Variants in KIRREL3 observed in about 807,000 individuals in gnomAD.
KIRREL3 encodes the protein kin of IRRE-like protein 3.
Under a neutral mutation model 89.7 loss-of-function variants are expected in KIRREL3, and 36 were observed. The ratio of observed to expected loss-of-function variants is 0.40; its 90% CI spans 0.31 to 0.53. The LOEUF is 0.53. KIRREL3 is among the 20% of genes least tolerant of loss of function. KIRREL3 has a pLI of 0.49. For synonymous variants in KIRREL3, 445 were observed against 441.4 expected, an observed-to-expected ratio of 1.01 and a Z score of -0.10; for missense variants, 864 against 1,056.6, an observed-to-expected ratio of 0.82 and a Z score of 2.53.
rs747091956 is a variant in KIRREL3 at position 126,955,816 on chromosome 11, G to T, written c.55+44639C>A. 6.6e-6 allele frequency among the ~76,000 whole-genome samples: 1 copy of T among 152,166 alleles called. No homozygotes were observed. Among genetic ancestry groups the T allele is most frequent in the Non-Finnish European group, 1.5e-5 (1 of 68,036 alleles). ...GCATTCAGGGCTGATGTTCTGAATG[G>T]CAGTGCTGGGTTCTTACTGCCCGTT... is the stretch of plus-strand genomic sequence containing the variant. On this transcript the variant is annotated intron_variant, in intron 1 of 16. Coordinates refer to ENST00000525144, the MANE Select transcript of KIRREL3 (RefSeq NM_032531.4). The surrounding 1 kb of genome is among the most constrained non-coding windows in gnomAD (Gnocchi z 4.6).
intron 1 of KIRREL3, among the ~76,000 whole-genome samples, chr11:126,930,028 A>G (rs899580554): frequency 6.7e-5 from 10 of 149,022 alleles, no homozygotes; most frequent in African/African-American, 2.2e-4. Context: ...TTCATTTCTT[A>G]TATTTTATGG....
Position 126,715,540 on chromosome 11 carries a change from G to A in KIRREL3, c.56-152628C>T, listed in dbSNP as rs537087004. ...AAATGAAGATGAAAAAGCTTTTACA[G>A]TGACAGGGAAGAAATATTGCAGGCT... On this transcript the variant is annotated intron_variant, in intron 1 of 16. Transcript: ENST00000525144. This position sits in a 1 kb window ranked among gnomAD's most constrained non-coding sequence, Gnocchi z 4.4. Among the ~76,000 whole-genome samples the A allele has an allele frequency of 6.6e-6, 1 of 152,300 alleles. No homozygotes were observed. Among genetic ancestry groups the A allele is most frequent in the South Asian group, 2.1e-4 (1 of 4,822 alleles).
chr11:126,460,203 C>T (rs1004717502), intron 6 of KIRREL3, among the ~76,000 whole-genome samples: 13 of 152,074 alleles, frequency 8.5e-5, no homozygotes, highest in African/African-American at 3.1e-4. Flanking sequence ...GCGGTGAGCG[C>T]GGGGACAAAT....
intron 2 of KIRREL3, among the ~76,000 whole-genome samples, chr11:126,548,342 A>G (rs1479692125): frequency 6.6e-6 from 1 of 152,072 alleles, no homozygotes; most frequent in Admixed American, 6.5e-5. Context: ...CCTTCTCTTG[A>G]GGGCTTTCTC....
intron 4 of KIRREL3, among the ~76,000 whole-genome samples, chr11:126,511,048 T>TGTGTGTGA (rs1958203483): frequency 1.8e-5 from 1 of 55,900 alleles, no homozygotes; most frequent in Admixed American, 2.0e-4. Flanking sequence ...TCTGCAGTGC[T>TGTGTGTGA]GTGTGTGTGT....
rs771945451 is a variant in KIRREL3, at chr11:126,724,823, T to G, written c.56-161911A>C. On this transcript the variant is annotated intron_variant, in intron 1 of 16. Coordinates refer to ENST00000525144, the MANE Select transcript of KIRREL3 (RefSeq NM_032531.4). The surrounding 1 kb of genome is among the most constrained non-coding windows in gnomAD (Gnocchi z 4.3). ...TGGGCCAAGGGTTCTTACTAATAGA[T>G]TTTGAATAACCATAAAAACAACTTT... Among the ~76,000 whole-genome samples the G allele has an allele frequency of 1.3e-5, 2 of 152,216 alleles. No homozygotes were observed. The highest frequency in any genetic ancestry group is 2.9e-5 in the Non-Finnish European group (2 of 68,042).
chr11:126,535,711 C>T lies in KIRREL3; in HGVS notation c.134-9024G>A, dbSNP rs1315258470. Among the ~76,000 whole-genome samples, 4 of 152,190 alleles carry T rather than the reference C, an allele frequency of 2.6e-5. No individual in the cohort carries two copies. In the East Asian group the frequency reaches 7.7e-4, roughly 29 times the overall value. On this transcript the variant is annotated intron_variant, in intron 2 of 16. Transcript: ENST00000525144. The surrounding 1 kb of genome is among the most constrained non-coding windows in gnomAD (Gnocchi z 4.5). ...TTAAGATTTTGGTTGAGGGCTGGGC[C>T]CGGTGGCTCACGCCTGTAATCCCAG...
chr11:126,804,770 C>T (rs550813187), intron 1 of KIRREL3, among the ~76,000 whole-genome samples: 9 of 152,028 alleles, frequency 5.9e-5, no homozygotes, highest in African/African-American at 2.2e-4. Context: ...AACCTTTTTT[C>T]CAAGCAGTGG....
Position 126,454,253 on chromosome 11 carries a change from G to A in KIRREL3, c.848+2096C>T, listed in dbSNP as rs1956270606. 6.6e-6 allele frequency among the ~76,000 whole-genome samples: 1 copy of A among 151,982 alleles called. No individual in the cohort carries two copies. The highest frequency in any genetic ancestry group is 6.5e-5 in the Admixed American group (1 of 15,270). ...GCACTTCGTTTCCTGGGTGTTTGCT[G>A]TCCGGGTCAGTAGGCAGGTGTGGGT... On this transcript the variant is annotated intron_variant, in intron 7 of 16. Coordinates refer to ENST00000525144, the MANE Select transcript of KIRREL3 (RefSeq NM_032531.4). This position sits in a 1 kb window ranked among gnomAD's most constrained non-coding sequence, Gnocchi z 5.8.
chr11:126,871,250 C>G (rs1945098773), intron 1 of KIRREL3, among the ~76,000 whole-genome samples: 1 of 152,148 alleles, frequency 6.6e-6, no homozygotes, highest in Non-Finnish European at 1.5e-5. Context: ...CCCCTCACCG[C>G]TCATAAAGAA....
intron 1 of KIRREL3, among the ~76,000 whole-genome samples, chr11:126,714,675 G>T (rs1023622265): frequency 3.3e-5 from 5 of 152,148 alleles, no homozygotes; most frequent in African/African-American, 9.7e-5. Context: ...ACTGCCAGTT[G>T]CACACAGTGG....
rs1042133509 is a variant in KIRREL3, at chr11:126,795,057, G to T, written c.55+205398C>A. On this transcript the variant is annotated intron_variant, in intron 1 of 16. Coordinates refer to ENST00000525144, the MANE Select transcript of KIRREL3 (RefSeq NM_032531.4). This position sits in a 1 kb window ranked among gnomAD's most constrained non-coding sequence, Gnocchi z 4.1. ...GGAAAGGCAGACAAAAGAAAGTTCAGTGTTTGCCAGGGGTTGGGCAGGAGG... is the reference window on the plus strand; with the variant it reads ...GGAAAGGCAGACAAAAGAAAGTTCATTGTTTGCCAGGGGTTGGGCAGGAGG... Among the ~76,000 whole-genome samples, 16 of 152,344 alleles carry T rather than the reference G, an allele frequency of 1.1e-4. No individual in the cohort carries two copies. Among genetic ancestry groups the T allele is most frequent in the African/African-American group, 3.4e-4 (14 of 41,582 alleles).
At position 126,666,871 on chromosome 11, in the gene KIRREL3, G is replaced by T. The variant is rs1462470601; in HGVS notation, c.56-103959C>A. 1.3e-5 allele frequency among the ~76,000 whole-genome samples: 2 copies of T among 152,180 alleles called. No homozygotes were observed. Among genetic ancestry groups the T allele is most frequent in the Non-Finnish European group, 2.9e-5 (2 of 68,036 alleles). On this transcript the variant is annotated intron_variant, in intron 1 of 16. Transcript: ENST00000525144. This position sits in a 1 kb window ranked among gnomAD's most constrained non-coding sequence, Gnocchi z 4.2. The stretch of plus-strand genomic sequence containing the variant: ...CATTTTGGGTCTGGGATGGATACAG[G>T]TTTGATGAAAGGTCCCTGGGGAATG...
chr11:126,832,411 CT>C (rs1255198598), intron 1 of KIRREL3, among the ~76,000 whole-genome samples: 4 of 152,138 alleles, frequency 2.6e-5, no homozygotes, highest in Non-Finnish European at 5.9e-5. Context: ...TAAAATAAAC[CT>C]GTTCCTAGAA....
chr11:126,562,911 C>A lies in KIRREL3; in HGVS notation c.57G>T (p.Glu19Asp), dbSNP rs771006114. 2 of 1,613,442 alleles carry A rather than the reference C, an allele frequency of 1.2e-6. No individual in the cohort carries two copies. Among genetic ancestry groups the A allele is most frequent in the South Asian group, 2.2e-5 (2 of 90,926 alleles). ...LFVCFFLFSQ[E>D]LGLQKRGCCL... Reference sequence around the variant, plus strand: ...AGCATCCTCTCTTCTGGAGGCCCAGCTCTGGAAGAGAAGCATAGGTGGGTG... The same window carrying A: ...AGCATCCTCTCTTCTGGAGGCCCAGATCTGGAAGAGAAGCATAGGTGGGTG... The change falls in exon 2 of 17, where the codon GAG becomes GAT. Residue 19 changes from glutamate (E) to aspartate (D), a missense_variant and splice_region_variant. By Grantham distance (45) the Glu-to-Asp change is conservative. Transcript: ENST00000525144. This position sits in a 1 kb window ranked among gnomAD's most constrained non-coding sequence, Gnocchi z 4.7.
chr11:126,567,915 C>G (rs1940636258), intron 1 of KIRREL3, among the ~76,000 whole-genome samples: 2 of 152,222 alleles, frequency 1.3e-5, no homozygotes, highest in South Asian at 4.2e-4. Flanking sequence ...TTTCTGAGGC[C>G]ATCAAGTGCA....
chr11:126,504,381 C>T (rs540685059), intron 4 of KIRREL3, among the ~76,000 whole-genome samples: 14 of 152,258 alleles, frequency 9.2e-5, no homozygotes, highest in Non-Finnish European at 1.8e-4. Flanking sequence ...TATTGAGAAC[C>T]CTTCCATGAG....
rs1245478224 is a variant in KIRREL3 at position 126,610,393 on chromosome 11, G to A, written c.56-47481C>T. On this transcript the variant is annotated intron_variant, in intron 1 of 16. Coordinates refer to ENST00000525144, the MANE Select transcript of KIRREL3 (RefSeq NM_032531.4). The surrounding 1 kb of genome is among the most constrained non-coding windows in gnomAD (Gnocchi z 4.6). ...AGGCATGAGCCTGCTTGTCTGAACT[G>A]TAAGAGGATTTTAACAGTTTCCCAA... is the stretch of plus-strand genomic sequence containing the variant. Among the ~76,000 whole-genome samples, 2 of 152,190 alleles carry A rather than the reference G, an allele frequency of 1.3e-5. No individual in the cohort carries two copies. Among genetic ancestry groups the A allele is most frequent in the African/African-American group, 4.8e-5 (2 of 41,448 alleles).
chr11:126,781,255 G>C (rs1275741711), intron 1 of KIRREL3, among the ~76,000 whole-genome samples: 1 of 152,080 alleles, frequency 6.6e-6, no homozygotes, highest in East Asian at 1.9e-4. Context: ...CTCTACAAGG[G>C]GGAGATGAGT....
Sources: allele counts gnomAD v4.1 joint callset (sites outside exome capture counted in the v4.1 genomes callset), GRCh38; gene constraint gnomAD v4.1.1; non-coding constraint Gnocchi (gnomAD v3.1); transcripts MANE v1.5; gene names NCBI Gene and HGNC (gene_info 2026-07-23, HGNC 2026-07-21).